TRAPPC3L: variants seen among roughly 807,000 people sequenced by gnomAD.
TRAPPC3L encodes trafficking protein particle complex subunit 3-like protein.
Under a neutral mutation model 23.7 loss-of-function variants are expected in TRAPPC3L, and 23 were observed. The observed-to-expected ratio is 0.97, with a 90% CI of 0.70 to 1.37. The LOEUF (loss-of-function observed/expected upper bound fraction) is 1.37. Ranked by LOEUF, TRAPPC3L falls within the 40% of genes most tolerant of loss-of-function variation. The pLI is 0.00. For missense variants in TRAPPC3L, 212 were observed against 216.8 expected (o/e 0.98, Z 0.14); for synonymous variants, 81 against 77.9 (o/e 1.04, Z -0.21).
chr6:116,511,183 G>GAGATATAT (rs371971656), intron 3 of TRAPPC3L, among the ~76,000 whole-genome samples: 3 of 141,516 alleles, frequency 2.1e-5, no homozygotes, highest in South Asian at 4.5e-4. Flanking sequence ...AAAAGCTATT[G>GAGATATAT]ATATATATAT....
Position 116,512,089 on chromosome 6 carries a change from G to A in TRAPPC3L, c.241-11423C>T. On this transcript the variant is annotated intron_variant, in intron 3 of 4. Coordinates refer to ENST00000368602, the MANE Select transcript of TRAPPC3L (RefSeq NM_001139444.3). ...CTTTCTATGAATGTGCCATGAGCGG[G>A]ACGAGAAGTTCAGGACTCCTGGAAC... 2.5e-6 allele frequency: 4 copies of A among 1,614,056 alleles called. No individual in the cohort carries two copies. The South Asian group carries it at 4.4e-5, about 18-fold the overall frequency.
chr6:116,503,762 T>A (rs1331140437), intron 3 of TRAPPC3L, among the ~76,000 whole-genome samples: 1 of 152,002 alleles, frequency 6.6e-6, no homozygotes, highest in Non-Finnish European at 1.5e-5. Flanking sequence ...AAAAATCTGC[T>A]CCAATGACTA....
At chr6:116,540,806 T>C (rs961480543) in intron 2 of TRAPPC3L, among the ~76,000 whole-genome samples, 9 of 152,182 alleles carry the variant, frequency 5.9e-5, no homozygotes, top group Non-Finnish European at 1.2e-4. Flanking sequence ...TCATTAGCTA[T>C]TGATGGAAAT....
intron 3 of TRAPPC3L, chr6:116,519,476 A>C (rs938625287): frequency 4.6e-5 from 7 of 152,222 alleles, no homozygotes; most frequent in African/African-American, 1.7e-4. Context: ...AGGAGGTTAC[A>C]CTGCCGAACT....
intron 3 of TRAPPC3L, among the ~76,000 whole-genome samples, chr6:116,525,497 A>T (rs1772427874): frequency 6.6e-6 from 1 of 152,198 alleles, no homozygotes; most frequent in Admixed American, 6.5e-5. Context: ...TTTATAAAAG[A>T]TTTCAAATAG....
rs148046893 is a variant in TRAPPC3L at position 116,498,800 on chromosome 6, C to A, written c.426+1681G>T. The stretch of plus-strand genomic sequence containing the variant: ...ATGATCTCCTCTCTTGTTTCTATGA[C>A]TCCTTCTTTTCCTACCTCTGATTTC... On this transcript the variant is annotated intron_variant, in intron 4 of 4. Transcript: ENST00000368602. 2.0e-4 allele frequency among the ~76,000 whole-genome samples: 30 copies of A among 152,268 alleles called. No individual in the cohort carries two copies. The East Asian group carries it at 5.6e-3, about 28-fold the overall frequency.
intron 2 of TRAPPC3L, 36 bp from the exon 3 acceptor site, chr6:116,540,498 TAAGA>T (rs762152086): frequency 4.7e-5 from 72 of 1,538,450 alleles, no homozygotes; most frequent in Middle Eastern, 1.7e-4. Flanking sequence ...CTGAAAATTC[TAAGA>T]AATTAGTGAA....
In TRAPPC3L at chr6:116,526,186, A is replaced by G. The variant is rs1434285075; in HGVS notation, c.240+14177T>C. 3.9e-5 allele frequency among the ~76,000 whole-genome samples: 6 copies of G among 152,362 alleles called. No homozygotes were observed. In the South Asian group the frequency reaches 1.2e-3, roughly 32 times the overall value. On this transcript the variant is annotated intron_variant, in intron 3 of 4. Coordinates refer to ENST00000368602, the MANE Select transcript of TRAPPC3L (RefSeq NM_001139444.3). Reference sequence around the variant, plus strand: ...TAGACAAGTTTGTTGTCCCAACTAAAGGTGAGATGGACTTTGTTTCAATCA... The same window carrying G: ...TAGACAAGTTTGTTGTCCCAACTAAGGGTGAGATGGACTTTGTTTCAATCA...
intron 3 of TRAPPC3L, among the ~76,000 whole-genome samples, chr6:116,506,847 C>T (rs969586815): frequency 1.3e-5 from 2 of 152,110 alleles, no homozygotes; most frequent in African/African-American, 4.8e-5. Context: ...GGGAGCATCA[C>T]ACACCGGGAC....
intron 1 of TRAPPC3L, among the ~76,000 whole-genome samples, chr6:116,544,983 A>G (rs1773685642): frequency 6.6e-6 from 1 of 152,016 alleles, no homozygotes; most frequent in Non-Finnish European, 1.5e-5. Flanking sequence ...AACCTGGAAT[A>G]TATAGAAAGG....
intron 3 of TRAPPC3L, among the ~76,000 whole-genome samples, chr6:116,509,090 GTAAAAA>G (rs1222867166): frequency 3.3e-5 from 2 of 60,158 alleles, no homozygotes; most frequent in Non-Finnish European, 3.2e-5. Flanking sequence ...TATAAGAGTT[GTAAAAA>G]AAAAAAAAAA....
At chr6:116,505,621 C>T (rs1771991416) in intron 3 of TRAPPC3L, among the ~76,000 whole-genome samples, 1 of 152,160 alleles carries the variant, frequency 6.6e-6, no homozygotes, top group Non-Finnish European at 1.5e-5. Flanking sequence ...TCAAACTATA[C>T]TACAAGGTTA....
intron 4 of TRAPPC3L, 135 bp from the exon 5 acceptor site, chr6:116,497,208 C>T: frequency 9.0e-7 from 1 of 1,107,764 alleles, no homozygotes; most frequent in Non-Finnish European, 1.3e-6. Context: ...GGATAAAGGG[C>T]CCTTTACTGA....
chr6:116,501,534 G>C (rs927792612), intron 3 of TRAPPC3L, among the ~76,000 whole-genome samples: 8 of 152,208 alleles, frequency 5.3e-5, no homozygotes, highest in African/African-American at 1.9e-4. Context: ...CATGGTGTTT[G>C]AGCTCCGATA....
At chr6:116,542,577 C>A (rs1427281441) in intron 2 of TRAPPC3L, among the ~76,000 whole-genome samples, 1 of 151,952 alleles carries the variant, frequency 6.6e-6, no homozygotes, top group Non-Finnish European at 1.5e-5. Flanking sequence ...TTAAAAAGCT[C>A]AAAAACCATT....
chr6:116,525,854 C>T (rs1772431741), intron 3 of TRAPPC3L, among the ~76,000 whole-genome samples: 1 of 152,116 alleles, frequency 6.6e-6, no homozygotes, highest in Non-Finnish European at 1.5e-5. Context: ...ACATTCTGTG[C>T]CTATATTTTA....
chr6:116,502,227 T>C (rs1339032521), intron 3 of TRAPPC3L, among the ~76,000 whole-genome samples: 2 of 152,114 alleles, frequency 1.3e-5, no homozygotes, highest in African/African-American at 4.8e-5. Flanking sequence ...TCATGAAGCA[T>C]ACACAAGCTT....
At chr6:116,543,249 C>T in intron 2 of TRAPPC3L, 54 bp downstream of exon 2, 1 of 1,322,028 alleles carries the variant, frequency 7.6e-7, no homozygotes, top group Non-Finnish European at 1.1e-6. Context: ...AGAAAGAATG[C>T]AGGTGATGTA....
intron 3 of TRAPPC3L, among the ~76,000 whole-genome samples, chr6:116,527,324 T>C (rs533112996): frequency 1.3e-5 from 2 of 152,170 alleles, no homozygotes; most frequent in East Asian, 1.9e-4. Context: ...GAGACCATCC[T>C]GGCTAACACG....
Sources: allele counts gnomAD v4.1 joint callset (sites outside exome capture counted in the v4.1 genomes callset), GRCh38; gene constraint gnomAD v4.1.1; transcripts MANE v1.5; gene names NCBI Gene and HGNC (gene_info 2026-07-23, HGNC 2026-07-21).